Variants in AGBL4 observed in about 807,000 individuals in gnomAD.
AGBL4 encodes AGBL carboxypeptidase 4, also known as cytosolic carboxypeptidase 6.
Under a neutral mutation model 66.4 loss-of-function variants are expected in AGBL4, and 58 were observed. That is an observed-to-expected ratio of 0.87 (90% CI 0.71 to 1.09). The LOEUF (loss-of-function observed/expected upper bound fraction) is 1.09, where lower values mean the gene tolerates loss of function less well. Ranked by LOEUF, AGBL4 falls within the 50% of genes least tolerant of loss-of-function variation. The pLI is 0.00. For missense variants in AGBL4, 579 were observed against 631.0 expected, an observed-to-expected ratio of 0.92 and a Z score of 0.88; for synonymous variants, 234 against 222.9, an observed-to-expected ratio of 1.05 and a Z score of -0.44.
At chr1:49,403,099 T>C (rs899216240) in intron 3 of AGBL4, among the ~76,000 whole-genome samples, 3 of 152,232 alleles carry the variant, frequency 2.0e-5, no homozygotes, top group African/African-American at 7.2e-5. Context: ...TCTCCAGCTA[T>C]ATTGTATTGG....
intron 3 of AGBL4, among the ~76,000 whole-genome samples, chr1:49,651,730 G>A (rs114492888): frequency 1.1e-4 from 17 of 152,034 alleles, no homozygotes; most frequent in African/African-American, 4.1e-4. Flanking sequence ...TCAAACAACA[G>A]CAAATTCAAA....
intron 11 of AGBL4, among the ~76,000 whole-genome samples, chr1:48,579,498 C>T (rs1644704046): frequency 6.6e-6 from 1 of 151,696 alleles, no homozygotes; most frequent in African/African-American, 2.4e-5. Context: ...GCCTCAGCCT[C>T]CCAAATTGCT....
chr1:49,074,290 C>CTTCTCTCA (rs1440142841), intron 4 of AGBL4, among the ~76,000 whole-genome samples: 1 of 152,216 alleles, frequency 6.6e-6, no homozygotes, highest in Admixed American at 6.5e-5. Flanking sequence ...CCTCCCAGTA[C>CTTCTCTCA]AGTCTCTCAA....
At chr1:48,719,340 T>A (rs1472212977) in intron 6 of AGBL4, among the ~76,000 whole-genome samples, 1 of 152,108 alleles carries the variant, frequency 6.6e-6, no homozygotes, top group Non-Finnish European at 1.5e-5. Flanking sequence ...GTGCTCATAG[T>A]CAGGTTCCCA....
chr1:49,635,901 G>A (rs1645661498), intron 3 of AGBL4, among the ~76,000 whole-genome samples: 1 of 152,130 alleles, frequency 6.6e-6, no homozygotes, highest in Non-Finnish European at 1.5e-5. Context: ...TTAAATATAT[G>A]TTTACCAAAA....
At chr1:48,775,229 T>C (rs1452243401) in intron 6 of AGBL4, among the ~76,000 whole-genome samples, 1 of 152,126 alleles carries the variant, frequency 6.6e-6, no homozygotes, top group African/African-American at 2.4e-5. Flanking sequence ...GGAGGTGGTA[T>C]GGATAGAGCC....
chr1:49,455,673 A>G (rs1557956690), intron 3 of AGBL4, among the ~76,000 whole-genome samples: 1 of 151,628 alleles, frequency 6.6e-6, no homozygotes, highest in South Asian at 2.1e-4. Flanking sequence ...CTAGTTTCAC[A>G]TTATGTTTAG....
At chr1:48,722,542 T>G (rs1352497305) in intron 6 of AGBL4, among the ~76,000 whole-genome samples, 1 of 152,118 alleles carries the variant, frequency 6.6e-6, no homozygotes, top group East Asian at 1.9e-4. Context: ...TAATAAATAG[T>G]GAATGCAGGG....
At chr1:49,999,782 A>G (rs1378917695) in intron 1 of AGBL4, among the ~76,000 whole-genome samples, 1 of 152,178 alleles carries the variant, frequency 6.6e-6, no homozygotes, top group Non-Finnish European at 1.5e-5. Flanking sequence ...ACATATAGCC[A>G]ACTAATCTTT....
intron 6 of AGBL4, among the ~76,000 whole-genome samples, chr1:48,681,478 G>A (rs1646453785): frequency 6.6e-6 from 1 of 152,156 alleles, no homozygotes; most frequent in African/African-American, 2.4e-5. Flanking sequence ...TGGGGTGAGG[G>A]GGTTGGGAGC....
chr1:48,714,874 C>G (rs1459135607), intron 6 of AGBL4, among the ~76,000 whole-genome samples: 4 of 152,220 alleles, frequency 2.6e-5, no homozygotes, highest in Non-Finnish European at 5.9e-5. Context: ...TTTAGTCGCT[C>G]ATTCATCGAT....
At chr1:48,984,080 G>A (rs779418072) in intron 5 of AGBL4, among the ~76,000 whole-genome samples, 1 of 152,096 alleles carries the variant, frequency 6.6e-6, no homozygotes, top group Non-Finnish European at 1.5e-5. Context: ...TCATTTAGGA[G>A]AGAACATACA....
At chr1:49,135,691 A>G (rs1645997326) in intron 4 of AGBL4, among the ~76,000 whole-genome samples, 1 of 152,156 alleles carries the variant, frequency 6.6e-6, no homozygotes, top group Non-Finnish European at 1.5e-5. Flanking sequence ...CGCTCATGCT[A>G]TTGTTTGTGG....
At chr1:48,987,618 G>T (rs1311892791) in intron 5 of AGBL4, among the ~76,000 whole-genome samples, 1 of 151,980 alleles carries the variant, frequency 6.6e-6, no homozygotes, top group Non-Finnish European at 1.5e-5. Flanking sequence ...AAATCAGAAA[G>T]GATATAGACG....
intron 4 of AGBL4, among the ~76,000 whole-genome samples, chr1:49,163,193 C>A (rs1646570917): frequency 6.6e-6 from 1 of 152,180 alleles, no homozygotes. Context: ...TTCACACATT[C>A]ATTCCCTTAC....
intron 2 of AGBL4, among the ~76,000 whole-genome samples, chr1:49,786,047 T>C (rs1012956806): frequency 1.4e-4 from 21 of 152,094 alleles, no homozygotes; most frequent in African/African-American, 2.4e-4. Flanking sequence ...ATCCATCCCA[T>C]TGATGCTTTT....
chr1:49,283,577 C>T (rs1644331826), intron 3 of AGBL4, among the ~76,000 whole-genome samples: 1 of 152,070 alleles, frequency 6.6e-6, no homozygotes, highest in Admixed American at 6.5e-5. Flanking sequence ...CTCTGAGCTA[C>T]AGAAGGAAAT....
intron 2 of AGBL4, among the ~76,000 whole-genome samples, chr1:49,836,606 T>C (rs898437737): frequency 6.6e-6 from 1 of 152,188 alleles, no homozygotes; most frequent in African/African-American, 2.4e-5. Flanking sequence ...CTCTGTCTAG[T>C]TTTGTTCCCT....
At chr1:49,201,629 C>T (rs889816646) in intron 4 of AGBL4, among the ~76,000 whole-genome samples, 3 of 152,150 alleles carry the variant, frequency 2.0e-5, no homozygotes, top group African/African-American at 7.2e-5. Context: ...AATGCAATGA[C>T]ATTTCATGCC....
Sources: allele counts gnomAD v4.1 joint callset (sites outside exome capture counted in the v4.1 genomes callset), GRCh38; gene constraint gnomAD v4.1.1; transcripts MANE v1.5; gene names NCBI Gene and HGNC (gene_info 2026-07-23, HGNC 2026-07-21).